PXDNL: variants seen among roughly 807,000 people sequenced by gnomAD.
PXDNL encodes the protein probable oxidoreductase PXDNL.
PXDNL carries 145 observed loss-of-function variants against 150.8 expected under a neutral mutation model. The ratio of observed to expected loss-of-function variants is 0.96; its 90% confidence interval spans 0.84 to 1.10. The LOEUF (loss-of-function observed/expected upper bound fraction) is 1.10. PXDNL is among the 50% of genes least tolerant of loss of function. The pLI, the probability that PXDNL is intolerant of heterozygous loss-of-function variation, is 0.00. For missense variants in PXDNL, 2,087 were observed against 1,873.9 expected (o/e 1.11, Z -2.10); for synonymous variants, 757 against 725.7 (o/e 1.04, Z -0.69).
intron 3 of PXDNL, among the ~76,000 whole-genome samples, chr8:51,562,911 C>T (rs984395707): frequency 1.3e-5 from 2 of 151,912 alleles, no homozygotes; most frequent in East Asian, 1.9e-4. Flanking sequence ...GTGGATGTGA[C>T]ACCAAGAGTC....
chr8:51,654,254 C>G (rs1815103790), intron 2 of PXDNL, among the ~76,000 whole-genome samples: 1 of 152,234 alleles, frequency 6.6e-6, no homozygotes, highest in African/African-American at 2.4e-5. Flanking sequence ...CATAAAACAG[C>G]ATCTCTACAT....
At chr8:51,449,731 T>TA (rs915946574) in intron 10 of PXDNL, among the ~76,000 whole-genome samples, 3 of 152,234 alleles carry the variant, frequency 2.0e-5, no homozygotes, top group Non-Finnish European at 1.5e-5. Context: ...TTTGATTGAA[T>TA]AAAAAAATAA....
intron 2 of PXDNL, among the ~76,000 whole-genome samples, chr8:51,610,927 C>A (rs538725611): frequency 6.6e-6 from 1 of 151,846 alleles, no homozygotes; most frequent in African/African-American, 2.4e-5. Flanking sequence ...AATTAACAGA[C>A]CTTCACTAAA....
chr8:51,790,346 G>A (rs183403908), intron 1 of PXDNL, among the ~76,000 whole-genome samples: 41 of 152,250 alleles, frequency 2.7e-4, no homozygotes, highest in African/African-American at 9.4e-4. Context: ...ACAAAGTGAG[G>A]TACAGCTGGC....
chr8:51,525,319 C>T (rs1811747007), intron 4 of PXDNL, among the ~76,000 whole-genome samples: 1 of 152,128 alleles, frequency 6.6e-6, no homozygotes, highest in African/African-American at 2.4e-5. Context: ...TTCAACAAAG[C>T]TGTTAAAATG....
At position 51,584,716 on chromosome 8, in the gene PXDNL, G is replaced by A. The variant is rs998665667; in HGVS notation, c.308+7911C>T. On this transcript the variant is annotated intron_variant, in intron 3 of 22. Coordinates refer to ENST00000356297, the MANE Select transcript of PXDNL (RefSeq NM_144651.5). ...TTTAGAACTCAGAGTTTGAGGAGGT[G>A]ATTGTCATGAAGGCTGAAGATATAA... 5.9e-5 allele frequency among the ~76,000 whole-genome samples: 9 copies of A among 152,286 alleles called. No homozygotes were observed. The East Asian group carries it at 1.2e-3, about 20-fold the overall frequency.
At chr8:51,540,846 T>C (rs1812199560) in intron 4 of PXDNL, among the ~76,000 whole-genome samples, 1 of 152,228 alleles carries the variant, frequency 6.6e-6, no homozygotes, top group Admixed American at 6.5e-5. Flanking sequence ...TATCACATTT[T>C]GGCACCTTGT....
intron 3 of PXDNL, among the ~76,000 whole-genome samples, chr8:51,572,464 G>A (rs1812967955): frequency 6.6e-6 from 1 of 151,682 alleles, no homozygotes; most frequent in Non-Finnish European, 1.5e-5. Context: ...CCAAAACGAA[G>A]GTGAAAATAC....
At chr8:51,394,706 C>G (rs1170613411) in intron 17 of PXDNL, among the ~76,000 whole-genome samples, 1 of 152,154 alleles carries the variant, frequency 6.6e-6, no homozygotes. Flanking sequence ...TTTGCCAAAC[C>G]CTGTGTTAAA....
intron 5 of PXDNL, among the ~76,000 whole-genome samples, chr8:51,484,716 G>T (rs1810689918): frequency 6.6e-6 from 1 of 152,170 alleles, no homozygotes; most frequent in Non-Finnish European, 1.5e-5. Flanking sequence ...AGTAGGAGAA[G>T]ATCCAGGCCT....
At chr8:51,637,718 C>T (rs1172694739) in intron 2 of PXDNL, among the ~76,000 whole-genome samples, 2 of 152,182 alleles carry the variant, frequency 1.3e-5, no homozygotes, top group Non-Finnish European at 2.9e-5. Context: ...ACCAAATCTA[C>T]ATCTGATTGG....
At chr8:51,751,311 A>G (rs2037043642) in intron 1 of PXDNL, among the ~76,000 whole-genome samples, 1 of 152,220 alleles carries the variant, frequency 6.6e-6, no homozygotes. Flanking sequence ...TCACTATTAA[A>G]GATCATGTTT....
intron 1 of PXDNL, 114 bp from the exon 2 acceptor site, chr8:51,654,874 G>T: frequency 1.3e-6 from 1 of 760,648 alleles, no homozygotes. Flanking sequence ...AGTACTAAAG[G>T]ACTAAATATA....
chr8:51,660,208 A>G (rs1434441987), intron 1 of PXDNL, among the ~76,000 whole-genome samples: 1 of 152,166 alleles, frequency 6.6e-6, no homozygotes, highest in Non-Finnish European at 1.5e-5. Flanking sequence ...AAGATATTAA[A>G]TAGTGTGCGC....
In PXDNL at chr8:51,319,932, T is replaced by A. The variant is rs764894926; in HGVS notation, c.4351A>T (p.Arg1451Ter). The A allele has an allele frequency of 1.3e-6, 2 of 1,572,066 alleles. No homozygotes were observed. Among genetic ancestry groups the A allele is most frequent in the Non-Finnish European group, 1.7e-6 (2 of 1,161,026 alleles). Reference protein sequence around the residue: ...LVKGTCCPVCRDRGMPSDSPE... With the variant: ...LVKGTCCPVC ...GAATCACTTGGCATTCCTCGGTCTC[T>A]GCAAACTGGACAGCAGGTTCCTTTC... Residue 1451 changes from arginine (R) to a stop codon, truncating the protein, a stop_gained, in exon 23 of 23, where the codon AGA becomes TGA. Coordinates refer to ENST00000356297, the MANE Select transcript of PXDNL (RefSeq NM_144651.5). LOFTEE classifies it low-confidence loss of function (END_TRUNC).
intron 1 of PXDNL, among the ~76,000 whole-genome samples, chr8:51,728,571 C>T (rs1291656932): frequency 2.0e-5 from 3 of 147,592 alleles, no homozygotes; most frequent in Non-Finnish European, 3.0e-5. Flanking sequence ...TCATTTTTAA[C>T]AAAAAGTATT....
chr8:51,619,731 A>G (rs945846902), intron 2 of PXDNL, among the ~76,000 whole-genome samples: 1 of 152,212 alleles, frequency 6.6e-6, no homozygotes, highest in African/African-American at 2.4e-5. Context: ...TACAACCTAC[A>G]GAACCGTGAG....
chr8:51,541,199 A>C (rs975836437), intron 4 of PXDNL, among the ~76,000 whole-genome samples: 2 of 149,952 alleles, frequency 1.3e-5, no homozygotes, highest in South Asian at 2.1e-4. Flanking sequence ...CAGAGGTTGC[A>C]GTGAGCCAAG....
At chr8:51,334,945 A>G (rs1805794097) in intron 21 of PXDNL, among the ~76,000 whole-genome samples, 1 of 152,136 alleles carries the variant, frequency 6.6e-6, no homozygotes, top group South Asian at 2.1e-4. Context: ...GTCATAACCT[A>G]TTTAATCTTA....
Sources: allele counts gnomAD v4.1 joint callset (sites outside exome capture counted in the v4.1 genomes callset), GRCh38; gene constraint gnomAD v4.1.1; transcripts MANE v1.5; gene names NCBI Gene and HGNC (gene_info 2026-07-23, HGNC 2026-07-21).